CEP63: variants seen among roughly 807,000 people sequenced by gnomAD.
CEP63 encodes the protein centrosomal protein 63, also known as centrosomal protein of 63 kDa.
A neutral mutation model predicts 89.1 loss-of-function variants in CEP63; 84 were observed. The observed-to-expected ratio is 0.94, with a 90% CI of 0.79 to 1.13. The LOEUF (loss-of-function observed/expected upper bound fraction) is 1.13, where lower values mean the gene tolerates loss of function less well. Among genes scored for constraint, CEP63 ranks in the 50% most tolerant of loss-of-function variants. The probability of loss-of-function intolerance (pLI) is 0.00; values close to 1 mark genes in which losing one functional copy is unlikely to be tolerated. For missense variants in CEP63, 838 were observed against 813.3 expected, an observed-to-expected ratio of 1.03 and a Z score of -0.37; for synonymous variants, 267 against 272.5, an observed-to-expected ratio of 0.98 and a Z score of 0.20.
In CEP63 at chr3:134,564,919, C is replaced by CT. The variant is rs1282898151; in HGVS notation, c.*3385dup. ...ATACTGTTTTTTAAAGCTGAAGTAT[C>CT]TAATAGTTAATGGGTTGTCCAAATT... On this transcript the variant is annotated 3_prime_UTR_variant, in exon 15 of 15. Transcript: ENST00000675561. 7.1e-6 allele frequency: 7 copies of CT among 983,518 alleles called. No individual in the cohort carries two copies. The African/African-American group carries it at 1.2e-4, about 17-fold the overall frequency. The allele number at this position is 983,518 out of a possible 1,614,324, so 60.9% of individuals were successfully genotyped here.
At chr3:134,572,429 C>G (rs1958050329) in intron 11 of CEP63, among the ~76,000 whole-genome samples, 1 of 152,094 alleles carries the variant, frequency 6.6e-6, no homozygotes, top group South Asian at 2.1e-4. Context: ...CTTTCTATCC[C>G]CAGTGTCTAT....
At chr3:134,735,930 C>G in the CEP63 span, among the ~76,000 whole-genome samples, 1 of 152,030 alleles carries the variant, frequency 6.6e-6, no homozygotes, top group Non-Finnish European at 1.5e-5. Flanking sequence ...ACTGGTATCA[C>G]CTCGATACTA....
At chr3:134,526,859 G>T (rs912602865) in intron 3 of CEP63, among the ~76,000 whole-genome samples, 3 of 151,922 alleles carry the variant, frequency 2.0e-5, no homozygotes, top group African/African-American at 7.3e-5. Context: ...CTTTGTTTCT[G>T]GAAGATTTTC....
chr3:134,573,955 T>C (rs1160442230), intron 11 of CEP63, among the ~76,000 whole-genome samples: 2 of 152,216 alleles, frequency 1.3e-5, no homozygotes, highest in Non-Finnish European at 2.9e-5. Flanking sequence ...CCTGGGATGG[T>C]GAGTGCTCTT....
Position 134,532,050 on chromosome 3 carries a change from T to TC in CEP63, c.318+112dup. 4.4e-6 allele frequency: 3 copies of TC among 683,780 alleles called. No individual in the cohort carries two copies. In the East Asian group the frequency reaches 8.3e-5, roughly 19 times the overall value. The allele number at this position is 683,780 out of a possible 1,614,324, so 42.4% of individuals were successfully genotyped here. A position where few individuals can be genotyped will look rare whatever the true frequency, so the allele number is the denominator to read the frequency against. On this transcript the variant is annotated intron_variant, in intron 4 of 14. Coordinates refer to ENST00000675561, the MANE Select transcript of CEP63 (RefSeq NM_001353108.3). The stretch of plus-strand genomic sequence containing the variant: ...ACTTTGTAAAGTGGGAAATACATAC[T>TC]CCATCAAAGATACAGGAGTGGGAAT...
At chr3:134,494,112 T>TTATG (rs1480938224) in intron 1 of CEP63, among the ~76,000 whole-genome samples, 1 of 150,382 alleles carries the variant, frequency 6.6e-6, no homozygotes, top group Non-Finnish European at 1.5e-5. Flanking sequence ...ATTTATTTAT[T>TTATG]TATTTATTTA....
At chr3:134,642,843 C>G in the CEP63 span, among the ~76,000 whole-genome samples, 1 of 152,214 alleles carries the variant, frequency 6.6e-6, no homozygotes, top group Non-Finnish European at 1.5e-5. Flanking sequence ...CTGACTCTTG[C>G]TGGCCATGTG....
chr3:134,649,498 C>T, the CEP63 span, among the ~76,000 whole-genome samples: 1 of 152,182 alleles, frequency 6.6e-6, no homozygotes, highest in African/African-American at 2.4e-5. Context: ...TCAGAGCAGT[C>T]TCATTTCTAT....
Position 134,507,145 on chromosome 3 carries a change from G to A in CEP63, c.81G>A (p.Glu27=), listed in dbSNP as rs577557093. Residue 27 remains glutamate (E), a synonymous_variant, in exon 3 of 15, where the codon GAG becomes GAA. Transcript: ENST00000675561. ...CATCTTGTGAAGCAGAACTACAGGA[G>A]CTCATGAAACAGATTGACATAATGG... ...FLTSCEAELQ[E]LMKQIDIMVA... is the part of the protein sequence containing the mutation. 4.3e-6 allele frequency: 7 copies of A among 1,613,468 alleles called. No homozygotes were observed. The South Asian group carries it at 6.6e-5, about 15-fold the overall frequency.
chr3:134,681,188 G>C, the CEP63 span, among the ~76,000 whole-genome samples: 2 of 152,180 alleles, frequency 1.3e-5, no homozygotes, highest in African/African-American at 2.4e-5. Context: ...CTGGGGGTCG[G>C]GGGGTGGTGG....
chr3:134,756,221 G>A, the CEP63 span, among the ~76,000 whole-genome samples: 1 of 152,214 alleles, frequency 6.6e-6, no homozygotes, highest in African/African-American at 2.4e-5. Flanking sequence ...TAAGATTGGA[G>A]ACAATTCCCT....
chr3:134,768,283 T>C, the CEP63 span, among the ~76,000 whole-genome samples: 3 of 152,200 alleles, frequency 2.0e-5, no homozygotes, highest in Non-Finnish European at 4.4e-5. Flanking sequence ...GGAGGGTATC[T>C]GTAACATGTG....
the CEP63 span, among the ~76,000 whole-genome samples, chr3:134,776,009 G>C: frequency 6.6e-6 from 1 of 152,202 alleles, no homozygotes; most frequent in Non-Finnish European, 1.5e-5. Flanking sequence ...ATAGCCAGTT[G>C]CTTTCTCAGA....
In CEP63 at chr3:134,529,339, C is replaced by CTTTTTTTTTTTTT. The variant is rs66493822; in HGVS notation, c.223-2499_223-2487dup. On this transcript the variant is annotated intron_variant, in intron 3 of 14. Coordinates refer to ENST00000675561, the MANE Select transcript of CEP63 (RefSeq NM_001353108.3). Reference sequence around the variant, plus strand: ...TTATAAAAGAACAAATCCCCATTGACTTTTTTTTTTTTTTTTTTTGAGACT... The same window carrying CTTTTTTTTTTTTT: ...TTATAAAAGAACAAATCCCCATTGACTTTTTTTTTTTTTTTTTTTTTTTTTTTTTTTTGAGACT... Among the ~76,000 whole-genome samples, 2 of 116,938 alleles carry CTTTTTTTTTTTTT rather than the reference C, an allele frequency of 1.7e-5. 1 individual carries two copies. The highest frequency in any genetic ancestry group is 3.3e-5 in the Non-Finnish European group (2 of 60,388). 76.7% of individuals were successfully genotyped at this position (116,938 alleles called of 152,430 possible).
intron 11 of CEP63, among the ~76,000 whole-genome samples, chr3:134,572,325 C>G (rs929990797): frequency 1.3e-5 from 2 of 152,148 alleles, no homozygotes; most frequent in Non-Finnish European, 2.9e-5. Context: ...CTGCATGATG[C>G]TGAGGTTTGG....
chr3:134,690,449 C>T, the CEP63 span, among the ~76,000 whole-genome samples: 1 of 152,204 alleles, frequency 6.6e-6, no homozygotes, highest in African/African-American at 2.4e-5. Flanking sequence ...CTAAGCTGCA[C>T]TGCAATAGAG....
the CEP63 span, chr3:134,610,557 C>T: frequency 1.6e-6 from 1 of 610,354 alleles, no homozygotes; most frequent in South Asian, 2.0e-5. Context: ...TCTCGGGGCA[C>T]TGGGGACAGG....
chr3:134,604,936 T>C, the CEP63 span, among the ~76,000 whole-genome samples: 1 of 152,174 alleles, frequency 6.6e-6, no homozygotes. Flanking sequence ...CGCATTGTCC[T>C]TAAAACTAGT....
At chr3:134,555,228 T>C (rs1305468218) in intron 12 of CEP63, among the ~76,000 whole-genome samples, 5 of 152,072 alleles carry the variant, frequency 3.3e-5, no homozygotes, top group African/African-American at 1.2e-4. Flanking sequence ...AGGGATGCCC[T>C]CTCTCATCAC....
Sources: allele counts gnomAD v4.1 joint callset (sites outside exome capture counted in the v4.1 genomes callset), GRCh38; gene constraint gnomAD v4.1.1; transcripts MANE v1.5; gene names NCBI Gene and HGNC (gene_info 2026-07-23, HGNC 2026-07-21).